The following ESF1 variants were observed in gnomAD, a reference collection of about 807,000 sequenced individuals.
The protein encoded by ESF1 is ESF1 homolog.
In ESF1, 58 loss-of-function variants were observed where a neutral mutation model predicts 92.0. The ratio of observed to expected loss-of-function variants is 0.63; its 90% CI spans 0.51 to 0.78. The LOEUF (loss-of-function observed/expected upper bound fraction) is 0.78, where lower values mean the gene tolerates loss of function less well. Ranked by LOEUF, ESF1 falls within the 30% of genes least tolerant of loss-of-function variation. ESF1 has a pLI of 0.00. For missense variants in ESF1, 922 were observed against 989.1 expected (o/e 0.93, Z 0.91); for synonymous variants, 321 against 313.7 (o/e 1.02, Z -0.24).
At chr20:13,780,709 T>C (rs1288060538) in intron 2 of ESF1, among the ~76,000 whole-genome samples, 1 of 152,008 alleles carries the variant, frequency 6.6e-6, no homozygotes, top group Non-Finnish European at 1.5e-5. Flanking sequence ...CCTTGGATCC[T>C]GTAATCACAG....
intron 10 of ESF1, among the ~76,000 whole-genome samples, chr20:13,731,644 C>G (rs1035188046): frequency 6.6e-6 from 1 of 152,032 alleles, no homozygotes; most frequent in African/African-American, 2.4e-5. Context: ...TCTTACCCCA[C>G]GTGGTGTTAC....
At chr20:13,767,289 G>A (rs1221651989) in intron 7 of ESF1, among the ~76,000 whole-genome samples, 1 of 152,158 alleles carries the variant, frequency 6.6e-6, no homozygotes, top group East Asian at 1.9e-4. Context: ...CACTTTGGGA[G>A]GCCAAGGCGG....
At chr20:13,760,470 G>A (rs1490601682) in intron 8 of ESF1, among the ~76,000 whole-genome samples, 77 of 148,986 alleles carry the variant, frequency 5.2e-4, no homozygotes, top group Non-Finnish European at 8.3e-4. Flanking sequence ...GGTGAGGAGC[G>A]TCTCTGCCCG....
At chr20:13,726,978 C>T (rs747715828) in intron 11 of ESF1, among the ~76,000 whole-genome samples, 15 of 152,292 alleles carry the variant, frequency 9.8e-5, no homozygotes, top group South Asian at 2.1e-4. Flanking sequence ...TTTATCTATA[C>T]CTTTTTTCTT....
At chr20:13,739,485 T>C (rs935879332) in intron 9 of ESF1, among the ~76,000 whole-genome samples, 1 of 152,174 alleles carries the variant, frequency 6.6e-6, no homozygotes, top group Non-Finnish European at 1.5e-5. Flanking sequence ...GTCTTTCAAG[T>C]AGTTTGTAAT....
chr20:13,753,184 G>A (rs752386811), intron 9 of ESF1, among the ~76,000 whole-genome samples: 8 of 151,698 alleles, frequency 5.3e-5, no homozygotes, highest in Admixed American at 6.6e-5. Context: ...AAACAATGCC[G>A]AACATCCTCA....
intron 10 of ESF1, among the ~76,000 whole-genome samples, chr20:13,732,903 C>CTTAT (rs59748081): frequency 0.037 from 5,497 of 147,366 alleles, 145 homozygotes; most frequent in African/African-American, 0.062. Flanking sequence ...AGGAAATACT[C>CTTAT]TTATTTATTT....
intron 7 of ESF1, among the ~76,000 whole-genome samples, chr20:13,767,529 C>CA (rs34946385): frequency 0.096 from 11,058 of 114,980 alleles, 418 homozygotes; most frequent in Non-Finnish European, 0.11. Context: ...AACTCTATCT[C>CA]AAAAAAAAAA....
chr20:13,776,521 C>T (rs914379463), intron 2 of ESF1, among the ~76,000 whole-genome samples: 27 of 152,158 alleles, frequency 1.8e-4, no homozygotes, highest in Non-Finnish European at 2.8e-4. Context: ...GCTCACATCA[C>T]GCAAGTAGAT....
Position 13,717,266 on chromosome 20 carries a change from A to G in ESF1, c.2262+102T>C, listed in dbSNP as rs959971558. 5.6e-6 allele frequency: 8 copies of G among 1,419,002 alleles called. No homozygotes were observed. In the Admixed American group the frequency reaches 7.8e-5, roughly 14 times the overall value. 87.9% of individuals were successfully genotyped at this position (1,419,002 alleles called of 1,614,324 possible). ...TGAGCCACTGCACCGGGCCCCTAAG[A>G]CATTTTCAAGGGTAACTTTGACTAT... is the stretch of plus-strand genomic sequence containing the variant. On this transcript the variant is annotated intron_variant, in intron 13 of 13. Coordinates refer to ENST00000617257, the MANE Select transcript of ESF1 (RefSeq NM_001276380.2).
intron 2 of ESF1, among the ~76,000 whole-genome samples, chr20:13,781,514 G>A (rs1047652911): frequency 2.6e-5 from 4 of 152,072 alleles, no homozygotes; most frequent in Admixed American, 6.5e-5. Context: ...GCTGTTATCC[G>A]CACAGGGGCA....
chr20:13,723,573 A>G (rs928979654), intron 11 of ESF1, among the ~76,000 whole-genome samples: 20 of 149,690 alleles, frequency 1.3e-4, no homozygotes, highest in Non-Finnish European at 2.5e-4. Context: ...AAAAATTATA[A>G]AAGATAGAAG....
chr20:13,744,730 T>C (rs1004040733), intron 9 of ESF1, among the ~76,000 whole-genome samples: 1 of 152,238 alleles, frequency 6.6e-6, no homozygotes, highest in Admixed American at 6.5e-5. Flanking sequence ...TCATTTCCAT[T>C]AGGTCTTTGC....
chr20:13,779,065 C>A (rs1231118686), intron 2 of ESF1, among the ~76,000 whole-genome samples: 4 of 151,876 alleles, frequency 2.6e-5, no homozygotes, highest in Non-Finnish European at 4.4e-5. Context: ...AAATAAAAAA[C>A]CCCAAAAAGT....
chr20:13,717,535 T>G, intron 12 of ESF1, 21 bp from the exon 13 acceptor site: 1 of 1,611,524 alleles, frequency 6.2e-7, no homozygotes, highest in Non-Finnish European at 8.5e-7. Context: ...CAAAAAAAAG[T>G]TCAAATGTAC....
In ESF1 at chr20:13,782,953, C is replaced by T. The variant is rs948193721; in HGVS notation, c.188G>A (p.Ser63Asn). 6.2e-7 allele frequency: 1 copy of T among 1,614,146 alleles called. No homozygotes were observed. The highest frequency in any genetic ancestry group is 8.5e-7 in the Non-Finnish European group (1 of 1,180,032). ...VDKRGRPISH[S>N]TTEDLKRFYD... ...AAAACGCTTCAAATCCTCTGTAGTG[C>T]TATGGCTAATGGGGCGCCCTCTTTT... The change falls in exon 2 of 14, where the codon AGC (serine) becomes AAC (asparagine). Residue 63 changes from serine (S) to asparagine (N), a missense_variant. By Grantham distance (46) the Ser-to-Asn change is conservative (BLOSUM62 1). Transcript: ENST00000617257.
chr20:13,737,815 G>C (rs571500763), intron 9 of ESF1, among the ~76,000 whole-genome samples: 2 of 150,348 alleles, frequency 1.3e-5, no homozygotes, highest in South Asian at 4.2e-4. Context: ...CACCATGCCA[G>C]ACTAATTTTT....
chr20:13,766,721 T>G (rs942029073), intron 8 of ESF1, 56 bp downstream of exon 8: 3 of 1,574,260 alleles, frequency 1.9e-6, no homozygotes, highest in African/African-American at 1.4e-5. Flanking sequence ...GCTTTCCCTG[T>G]AAAGCTACTG....
At chr20:13,780,105 C>T (rs1980111874) in intron 2 of ESF1, among the ~76,000 whole-genome samples, 1 of 152,108 alleles carries the variant, frequency 6.6e-6, no homozygotes, top group African/African-American at 2.4e-5. Flanking sequence ...TAATGCCTTT[C>T]CTAGACTGTG....
Sources: allele counts gnomAD v4.1 joint callset (sites outside exome capture counted in the v4.1 genomes callset), GRCh38; gene constraint gnomAD v4.1.1; transcripts MANE v1.5; gene names NCBI Gene and HGNC (gene_info 2026-07-23, HGNC 2026-07-21).